The following SHTN1 variants were observed in gnomAD, a reference collection of about 807,000 sequenced individuals.
SHTN1 encodes shootin 1.
A neutral mutation model predicts 83.1 loss-of-function variants in SHTN1; 42 were observed. The ratio of observed to expected loss-of-function variants is 0.51; its 90% CI spans 0.39 to 0.65. The LOEUF is 0.65. Among genes scored for constraint, SHTN1 ranks in the 30% least tolerant of loss-of-function variants. SHTN1 has a pLI of 0.00. For missense variants in SHTN1, 622 were observed against 737.8 expected (o/e 0.84, Z 1.82); for synonymous variants, 224 against 247.7 (o/e 0.90, Z 0.90).
intron 16 of SHTN1, 58 bp downstream of exon 16, chr10:116,901,707 C>A: frequency 7.0e-7 from 1 of 1,431,222 alleles, no homozygotes; most frequent in Non-Finnish European, 9.1e-7. Flanking sequence ...AAGAAACACA[C>A]AAGTTAGTCA....
chr10:117,069,939 G>A (rs1250832485), intron 1 of SHTN1, among the ~76,000 whole-genome samples: 2 of 152,064 alleles, frequency 1.3e-5, no homozygotes, highest in Non-Finnish European at 2.9e-5. Context: ...TAATAATAAA[G>A]GGAGTAGAGT....
intron 1 of SHTN1, among the ~76,000 whole-genome samples, chr10:117,065,753 A>G (rs9702600): frequency 2.0e-4 from 10 of 50,374 alleles, no homozygotes; most frequent in African/African-American, 1.2e-3. Flanking sequence ...AGAAAGAAAG[A>G]AAGAAAGAAA....
intron 1 of SHTN1, among the ~76,000 whole-genome samples, chr10:116,993,301 C>T (rs762118945): frequency 8.5e-5 from 13 of 152,062 alleles, no homozygotes; most frequent in Non-Finnish European, 1.9e-4. Flanking sequence ...AGGGGTAAGC[C>T]ACCATGCACT....
At chr10:116,900,506 A>T in intron 16 of SHTN1, 1 of 1,497,116 alleles carries the variant, frequency 6.7e-7, no homozygotes, top group African/African-American at 1.4e-5. Context: ...AGACAAAAGG[A>T]GGAAGGAGTT....
intron 11 of SHTN1, among the ~76,000 whole-genome samples, chr10:116,926,133 G>A (rs1413042077): frequency 6.6e-6 from 1 of 152,030 alleles, no homozygotes; most frequent in Non-Finnish European, 1.5e-5. Context: ...GACACAAATA[G>A]TCCTGAACAT....
intron 14 of SHTN1, 41 bp downstream of exon 14, chr10:116,911,749 T>C (rs772511202): frequency 7.6e-6 from 12 of 1,581,100 alleles, no homozygotes; most frequent in Admixed American, 1.7e-5. Flanking sequence ...TCTCCTTTCA[T>C]TTCCCCATTA....
chr10:116,899,946 CT>C (rs533833975), intron 16 of SHTN1, among the ~76,000 whole-genome samples: 1,834 of 152,212 alleles, frequency 0.012, 21 homozygotes, highest in Non-Finnish European at 0.019. Context: ...ACTGTTAAAG[CT>C]TACATGTAAC....
intron 1 of SHTN1, among the ~76,000 whole-genome samples, chr10:117,082,554 G>A (rs1339023831): frequency 8.6e-5 from 13 of 151,806 alleles, no homozygotes; most frequent in South Asian, 2.1e-4. Flanking sequence ...TATTAGGTCC[G>A]CTTGGTGCAG....
chr10:117,073,928 C>A (rs188136375), intron 1 of SHTN1, among the ~76,000 whole-genome samples: 2 of 152,230 alleles, frequency 1.3e-5, no homozygotes, highest in East Asian at 1.9e-4. Context: ...ACAAATAGAG[C>A]TCCCGCTGCC....
intron 16 of SHTN1, 193 bp downstream of exon 16, chr10:116,901,572 T>C (rs1229969178): frequency 1.0e-6 from 1 of 985,294 alleles, no homozygotes; most frequent in Non-Finnish European, 1.2e-6. Context: ...TACATGGTAC[T>C]TGCTTTGGAT....
chr10:117,046,823 A>G (rs1189912862), intron 2 of SHTN1, among the ~76,000 whole-genome samples: 2 of 152,140 alleles, frequency 1.3e-5, no homozygotes, highest in Admixed American at 6.5e-5. Context: ...TAATTAGATG[A>G]GTAGTTGCCA....
chr10:117,019,579 T>C (rs1251553881), intron 2 of SHTN1, among the ~76,000 whole-genome samples: 3 of 152,036 alleles, frequency 2.0e-5, no homozygotes, highest in Admixed American at 6.6e-5. Flanking sequence ...TGGTGGCTCC[T>C]GCTTGTAATC....
In SHTN1 at chr10:116,915,355, A is replaced by G; in HGVS notation, c.1305+20T>C. ...AAAGGAAATATCAAACAGGGAAAAAAGCATTCAGTCACTCCATACCTTTGT... is the reference window on the plus strand; with the variant it reads ...AAAGGAAATATCAAACAGGGAAAAAGGCATTCAGTCACTCCATACCTTTGT... On this transcript the variant is annotated intron_variant, in intron 13 of 16. Transcript: ENST00000355371. 8.0e-7 allele frequency: 1 copy of G among 1,244,686 alleles called. No individual in the cohort carries two copies. The highest frequency in any genetic ancestry group is 1.2e-6 in the Non-Finnish European group (1 of 857,670). The allele number at this position is 1,244,686 out of a possible 1,614,324, so 77.1% of individuals were successfully genotyped here.
intron 1 of SHTN1, among the ~76,000 whole-genome samples, chr10:117,107,391 T>C (rs941532218): frequency 1.3e-5 from 2 of 152,110 alleles, no homozygotes; most frequent in Admixed American, 6.6e-5. Context: ...CATCTCCCCC[T>C]GAAGCCACAA....
chr10:116,899,072 A>T (rs1847625025), intron 16 of SHTN1, among the ~76,000 whole-genome samples: 1 of 152,224 alleles, frequency 6.6e-6, no homozygotes, highest in Admixed American at 6.5e-5. Flanking sequence ...TCATTTATTC[A>T]AAAAGAATTT....
intron 1 of SHTN1, among the ~76,000 whole-genome samples, chr10:116,982,313 A>C (rs1776500040): frequency 6.6e-6 from 1 of 152,192 alleles, no homozygotes; most frequent in Non-Finnish European, 1.5e-5. Flanking sequence ...GTGACTATGT[A>C]CAACTTTGAA....
chr10:116,899,506 G>GGTGTGT (rs370396879), intron 16 of SHTN1, among the ~76,000 whole-genome samples: 1,522 of 124,550 alleles, frequency 0.012, 14 homozygotes, highest in African/African-American at 0.025. Flanking sequence ...GGCTGGGGCT[G>GGTGTGT]GTGTGTGTGT....
chr10:116,908,871 C>T (rs897887233), intron 14 of SHTN1, among the ~76,000 whole-genome samples: 1 of 152,136 alleles, frequency 6.6e-6, no homozygotes, highest in Admixed American at 6.6e-5. Flanking sequence ...CCTTGAATCC[C>T]CAACTTCTTT....
chr10:116,940,668 A>G (rs920394724), intron 8 of SHTN1, 56 bp from the exon 9 acceptor site: 5 of 1,351,178 alleles, frequency 3.7e-6, no homozygotes, highest in Non-Finnish European at 5.0e-6. Context: ...TACCTCCTCA[A>G]CTGTAACTTC....
Sources: gnomAD v4.1 joint callset for allele counts (sites outside exome capture counted in the v4.1 genomes callset) on GRCh38, gnomAD v4.1.1 for gene constraint, MANE v1.5 for transcripts, NCBI Gene and HGNC (gene_info 2026-07-23, HGNC 2026-07-21) for gene names.